Variants in FAM107B observed in about 807,000 individuals in gnomAD.
The protein encoded by FAM107B is family with sequence similarity 107 member B.
Under a neutral mutation model 31.5 loss-of-function variants are expected in FAM107B, and 21 were observed. The ratio of observed to expected loss-of-function variants is 0.67; its 90% confidence interval spans 0.47 to 0.96. The LOEUF is 0.96. Ranked by LOEUF, FAM107B falls within the 40% of genes least tolerant of loss-of-function variation. The pLI is 0.00. For missense variants in FAM107B, 452 were observed against 377.1 expected, an observed-to-expected ratio of 1.20 and a Z score of -1.64; for synonymous variants, 157 against 141.5, an observed-to-expected ratio of 1.11 and a Z score of -0.78.
intron 2 of FAM107B, among the ~76,000 whole-genome samples, chr10:14,627,315 T>C (rs1187136794): frequency 2.0e-5 from 3 of 152,244 alleles, no homozygotes; most frequent in Non-Finnish European, 4.4e-5. Context: ...TAACGTTATA[T>C]TCAGAATATT....
intron 2 of FAM107B, among the ~76,000 whole-genome samples, chr10:14,609,447 G>C (rs1298881991): frequency 6.6e-6 from 1 of 152,114 alleles, no homozygotes; most frequent in Non-Finnish European, 1.5e-5. Context: ...TTCTTTGCTG[G>C]CTGTCAGCTG....
chr10:14,675,937 C>T (rs1479397803), intron 1 of FAM107B, among the ~76,000 whole-genome samples: 1 of 152,116 alleles, frequency 6.6e-6, no homozygotes, highest in Admixed American at 6.6e-5. Flanking sequence ...GTAAGAGGAT[C>T]GCTTGAGCCC....
At chr10:14,753,294 A>G (rs1832866226) in intron 1 of FAM107B, among the ~76,000 whole-genome samples, 1 of 152,218 alleles carries the variant, frequency 6.6e-6, no homozygotes, top group African/African-American at 2.4e-5. Context: ...CCTTTTCCCA[A>G]CAACCCAAGC....
intron 1 of FAM107B, among the ~76,000 whole-genome samples, chr10:14,768,808 G>C (rs12257825): frequency 6.6e-6 from 1 of 152,082 alleles, no homozygotes; most frequent in African/African-American, 2.4e-5. Context: ...CTCAGTCAGC[G>C]CAACCCTACC....
At chr10:14,629,403 A>G (rs1853273584) in intron 2 of FAM107B, among the ~76,000 whole-genome samples, 1 of 3,878 alleles carries the variant, frequency 2.6e-4, no homozygotes, top group Non-Finnish European at 6.6e-4. Flanking sequence ...TATATATTAT[A>G]TATTTAATAT....
At chr10:14,762,850 A>C (rs919024171) in intron 1 of FAM107B, among the ~76,000 whole-genome samples, 1 of 152,112 alleles carries the variant, frequency 6.6e-6, no homozygotes, top group Non-Finnish European at 1.5e-5. Context: ...CAGAAGCATG[A>C]TGGATCTTGA....
intron 2 of FAM107B, among the ~76,000 whole-genome samples, chr10:14,618,386 A>T (rs1026956691): frequency 1.3e-5 from 2 of 152,160 alleles, no homozygotes; most frequent in African/African-American, 4.8e-5. Context: ...GTGTGAGAAC[A>T]TATGTCATAT....
chr10:14,547,543 A>G (rs1848813563), intron 2 of FAM107B, among the ~76,000 whole-genome samples: 1 of 150,778 alleles, frequency 6.6e-6, no homozygotes, highest in African/African-American at 2.4e-5. Flanking sequence ...TTCCAATTTT[A>G]GCATATTTGG....
chr10:14,710,774 A>G (rs185457169), intron 1 of FAM107B, among the ~76,000 whole-genome samples: 125 of 152,330 alleles, frequency 8.2e-4, no homozygotes, highest in African/African-American at 2.6e-3. Flanking sequence ...GATATAAAGA[A>G]AGAAAAAATA....
intron 2 of FAM107B, among the ~76,000 whole-genome samples, chr10:14,579,823 AC>A (rs1431133003): frequency 1.4e-4 from 22 of 152,118 alleles, no homozygotes; most frequent in African/African-American, 5.3e-4. Context: ...GGAGTTCGAG[AC>A]CAGCCTGGCC....
intron 1 of FAM107B, among the ~76,000 whole-genome samples, chr10:14,762,951 A>T (rs1833086596): frequency 1.3e-5 from 2 of 152,246 alleles, no homozygotes; most frequent in South Asian, 4.1e-4. Flanking sequence ...TAATTTATTC[A>T]TGCAATGAGC....
chr10:14,614,581 G>A (rs1852804395), intron 2 of FAM107B, among the ~76,000 whole-genome samples: 1 of 150,202 alleles, frequency 6.7e-6, no homozygotes, highest in Non-Finnish European at 1.5e-5. Flanking sequence ...ACTGAGACAG[G>A]AGAATTGCTT....
At chr10:14,581,737 C>T (rs532556653) in intron 2 of FAM107B, among the ~76,000 whole-genome samples, 4 of 152,224 alleles carry the variant, frequency 2.6e-5, no homozygotes, top group African/African-American at 7.2e-5. Context: ...CCTGTTTCTA[C>T]AAAAACATAG....
At chr10:14,627,384 G>A (rs527459004) in intron 2 of FAM107B, among the ~76,000 whole-genome samples, 26 of 152,268 alleles carry the variant, frequency 1.7e-4, no homozygotes, top group African/African-American at 6.0e-4. Context: ...GGAGATCAGC[G>A]GAATCTAAAG....
At chr10:14,643,885 C>T (rs1853691152) in intron 2 of FAM107B, among the ~76,000 whole-genome samples, 1 of 152,200 alleles carries the variant, frequency 6.6e-6, no homozygotes, top group East Asian at 1.9e-4. Flanking sequence ...TAGTACTCCA[C>T]AACAACTGCA....
chr10:14,636,619 C>A (rs1347552972), intron 2 of FAM107B, among the ~76,000 whole-genome samples: 1 of 151,724 alleles, frequency 6.6e-6, no homozygotes, highest in Non-Finnish European at 1.5e-5. Context: ...AACTTAATCA[C>A]TTCTCTAAAG....
At chr10:14,720,833 AT>A (rs904221325) in intron 1 of FAM107B, among the ~76,000 whole-genome samples, 82 of 151,404 alleles carry the variant, frequency 5.4e-4, no homozygotes, top group East Asian at 1.2e-3. Flanking sequence ...AAAGGAACAT[AT>A]TTTTTTTTAA....
chr10:14,590,579 C>T (rs749810036), intron 2 of FAM107B, among the ~76,000 whole-genome samples: 12 of 152,204 alleles, frequency 7.9e-5, no homozygotes, highest in East Asian at 5.8e-4. Context: ...TCATTCGCTA[C>T]GATCATGCTT....
intron 2 of FAM107B, chr10:14,548,728 G>A (rs1554830433): frequency 1.6e-5 from 15 of 917,192 alleles, no homozygotes; most frequent in East Asian, 1.2e-4. Flanking sequence ...GCCGCAAAAC[G>A]TGCCAGAAAA....
Sources: gnomAD v4.1 joint callset for allele counts (sites outside exome capture counted in the v4.1 genomes callset) on GRCh38, gnomAD v4.1.1 for gene constraint, MANE v1.5 for transcripts, NCBI Gene and HGNC (gene_info 2026-07-23, HGNC 2026-07-21) for gene names.